Variants in NCOA5 observed in about 807,000 individuals in gnomAD.
NCOA5 encodes the protein NCoA-5.
In NCOA5, 12 loss-of-function variants were observed where a neutral mutation model predicts 59.0. That is an observed-to-expected ratio of 0.20 (90% CI 0.13 to 0.33). The LOEUF is 0.33. Ranked by LOEUF, NCOA5 falls within the 10% of genes least tolerant of loss-of-function variation. NCOA5 has a pLI of 1.00. For missense variants in NCOA5, 655 were observed against 766.6 expected, an observed-to-expected ratio of 0.85 and a Z score of 1.72; for synonymous variants, 270 against 275.5, an observed-to-expected ratio of 0.98 and a Z score of 0.20.
intron 2 of NCOA5, among the ~76,000 whole-genome samples, chr20:46,074,667 G>C (rs1053828164): frequency 6.6e-6 from 1 of 152,216 alleles, no homozygotes; most frequent in African/African-American, 2.4e-5. Flanking sequence ...TGGCTCTGGT[G>C]GCAAGTGATG....
chr20:46,076,471 T>C (rs1284225459), intron 2 of NCOA5, among the ~76,000 whole-genome samples: 1 of 152,192 alleles, frequency 6.6e-6, no homozygotes, highest in Non-Finnish European at 1.5e-5. Context: ...AGGACAATGA[T>C]TAAAATGTTA....
chr20:46,089,798 A>T lies in NCOA5; in HGVS notation c.-30+19T>A, dbSNP rs1336241299. 1 of 152,004 alleles carries T rather than the reference A, an allele frequency of 6.6e-6. No individual in the cohort carries two copies. Among genetic ancestry groups the T allele is most frequent in the Non-Finnish European group, 1.5e-5 (1 of 67,974 alleles). 9.4% of individuals were successfully genotyped at this position (152,004 alleles called of 1,614,324 possible). The stretch of plus-strand genomic sequence containing the variant: ...CAGCCCCACGCCTCGGCTGACGGCC[A>T]GCGCTTCCCGGCACTCACCGCTACC... On this transcript the variant is annotated intron_variant, in intron 1 of 7. Transcript: ENST00000290231.
In NCOA5 at chr20:46,070,412, G is replaced by C; in HGVS notation, c.163C>G (p.Arg55Gly). 6.2e-7 allele frequency: 1 copy of C among 1,613,548 alleles called. No individual in the cohort carries two copies. The highest frequency in any genetic ancestry group is 1.3e-5 in the African/African-American group (1 of 74,824). The part of the protein sequence containing the change: ...GRDARDSRDI[R>G]DPRDLRDHRH... ...TGGTCCCGCAAGTCTCGGGGGTCTCGAATGTCTCTGCTGTCCCGGGCATCC... is the reference window on the plus strand; with the variant it reads ...TGGTCCCGCAAGTCTCGGGGGTCTCCAATGTCTCTGCTGTCCCGGGCATCC... Residue 55 changes from arginine to glycine, a missense_variant, in exon 3 of 8, where the codon CGA (arginine) becomes GGA (glycine). Arg to Gly is a moderately radical substitution (Grantham distance 125, BLOSUM62 -2). Coordinates refer to ENST00000290231, the MANE Select transcript of NCOA5 (RefSeq NM_020967.3).
At position 46,068,619 on chromosome 20, in the gene NCOA5, G is replaced by T; in HGVS notation, c.385C>A (p.Arg129=). Residue 129 remains arginine (R), a synonymous_variant, in exon 4 of 8, where the codon CGA becomes AGA. Coordinates refer to ENST00000290231, the MANE Select transcript of NCOA5 (RefSeq NM_020967.3). ...CAATAGTCATCCATTCGTAGGTATC[G>T]GTCATAAGAGCCTTCTCTCCTGAAA... is the stretch of plus-strand genomic sequence containing the variant. ...PMYRREGSYD[R]YLRMDDYCRR... is the part of the protein sequence containing the mutation. 6.2e-7 allele frequency: 1 copy of T among 1,611,496 alleles called. No homozygotes were observed. Among genetic ancestry groups the T allele is most frequent in the Non-Finnish European group, 8.5e-7 (1 of 1,179,060 alleles).
At chr20:46,068,864 T>C (rs932475318) in intron 3 of NCOA5, among the ~76,000 whole-genome samples, 4 of 152,248 alleles carry the variant, frequency 2.6e-5, no homozygotes, top group African/African-American at 7.2e-5. Context: ...GCAGGAATTA[T>C]TGATACTAGT....
chr20:46,083,371 C>T lies in NCOA5; in HGVS notation c.-29-3918G>A, dbSNP rs146177026. The stretch of plus-strand genomic sequence containing the variant: ...AAAAGTAACTCTGAAATGACCAATC[C>T]GCTTTTTGCTCCTTGTCTCTGCTTT... On this transcript the variant is annotated intron_variant, in intron 1 of 7. Transcript: ENST00000290231. 6.2e-4 allele frequency among the ~76,000 whole-genome samples: 95 copies of T among 152,284 alleles called. No individual in the cohort carries two copies. The East Asian group carries it at 0.016, about 26-fold the overall frequency.
At chr20:46,076,567 CTTTTTT>C (rs111295797) in intron 2 of NCOA5, among the ~76,000 whole-genome samples, 1 of 137,476 alleles carries the variant, frequency 7.3e-6, no homozygotes, top group African/African-American at 2.7e-5. Flanking sequence ...TTAAATTTGT[CTTTTTT>C]TTTTTTTAAG....
intron 2 of NCOA5, among the ~76,000 whole-genome samples, chr20:46,078,386 A>G (rs1414250242): frequency 6.6e-6 from 1 of 152,240 alleles, no homozygotes; most frequent in African/African-American, 2.4e-5. Flanking sequence ...TTGGGTTCAC[A>G]AGGTGACCAG....
At chr20:46,088,259 G>A (rs2085064662) in intron 1 of NCOA5, among the ~76,000 whole-genome samples, 2 of 152,268 alleles carry the variant, frequency 1.3e-5, no homozygotes, top group African/African-American at 4.8e-5. Flanking sequence ...ATATGGATTC[G>A]CTGGGACATT....
intron 1 of NCOA5, among the ~76,000 whole-genome samples, chr20:46,088,121 T>TC (rs1396148610): frequency 6.6e-6 from 1 of 152,184 alleles, no homozygotes; most frequent in African/African-American, 2.4e-5. Flanking sequence ...CATAAACAGA[T>TC]CTTATGAACA....
chr20:46,063,232 A>G, intron 7 of NCOA5, 128 bp downstream of exon 7: 1 of 893,824 alleles, frequency 1.1e-6, no homozygotes, highest in Non-Finnish European at 1.7e-6. Flanking sequence ...CCACGGGAGA[A>G]CCCAAGGGAT....
rs1053313146 is a variant in NCOA5, at chr20:46,063,617, T to C, written c.893A>G (p.Lys298Arg). ...ACGTTCCTTCTCCCGGCACTCATTCTTGTAACGCTCATAATTTCTGGCCAC... is the reference window on the plus strand; with the variant it reads ...ACGTTCCTTCTCCCGGCACTCATTCCTGTAACGCTCATAATTTCTGGCCAC... ...VLVARNYERY[K>R]NECREKEREE... Residue 298 changes from lysine (K) to arginine (R), a missense_variant, in exon 7 of 8, where the codon AAG becomes AGG. Around this residue, in one of 3 missense-constraint regions of NCOA5, gnomAD observed 80 missense variants for 153.3 expected, o/e 0.52. Coordinates refer to ENST00000290231, the MANE Select transcript of NCOA5 (RefSeq NM_020967.3). 6.2e-7 allele frequency: 1 copy of C among 1,614,206 alleles called. No individual in the cohort carries two copies.
intron 7 of NCOA5, 56 bp from the exon 8 acceptor site, chr20:46,062,945 C>T: frequency 7.1e-7 from 1 of 1,414,900 alleles, no homozygotes; most frequent in Non-Finnish European, 9.5e-7. Flanking sequence ...GGGCAGGAGG[C>T]CTAGCAGCCA....
At chr20:46,080,270 T>G (rs1364098881) in intron 1 of NCOA5, among the ~76,000 whole-genome samples, 1 of 152,112 alleles carries the variant, frequency 6.6e-6, no homozygotes, top group Non-Finnish European at 1.5e-5. Flanking sequence ...TTTACAAAAA[T>G]TGAAGTGAAT....
At chr20:46,080,427 C>A (rs576098331) in intron 1 of NCOA5, among the ~76,000 whole-genome samples, 1 of 152,122 alleles carries the variant, frequency 6.6e-6, no homozygotes, top group Non-Finnish European at 1.5e-5. Context: ...AGAGTTTGTT[C>A]CCCTTTTTCC....
In NCOA5 at chr20:46,089,227, T is replaced by A. The variant is rs368876346; in HGVS notation, c.-30+590A>T. 3.3e-5 allele frequency among the ~76,000 whole-genome samples: 5 copies of A among 152,188 alleles called. No individual in the cohort carries two copies. In the East Asian group the frequency reaches 9.7e-4, roughly 30 times the overall value. ...GTGGTAAACCCGGGAACAGTTCCTC[T>A]CCCCGTTCTCTGGGCCCGAGGTCCG... On this transcript the variant is annotated intron_variant, in intron 1 of 7. Coordinates refer to ENST00000290231, the MANE Select transcript of NCOA5 (RefSeq NM_020967.3).
At chr20:46,085,760 A>G (rs2085039028) in intron 1 of NCOA5, among the ~76,000 whole-genome samples, 1 of 152,204 alleles carries the variant, frequency 6.6e-6, no homozygotes, top group African/African-American at 2.4e-5. Context: ...ACACTTTGCT[A>G]TGGACAAGGA....
At chr20:46,063,230 G>T in intron 7 of NCOA5, 130 bp downstream of exon 7, 1 of 876,680 alleles carries the variant, frequency 1.1e-6, no homozygotes, top group Non-Finnish European at 1.7e-6. Context: ...GCCCACGGGA[G>T]AACCCAAGGG....
chr20:46,064,608 T>C (rs539988357), intron 6 of NCOA5, among the ~76,000 whole-genome samples: 1 of 152,336 alleles, frequency 6.6e-6, no homozygotes, highest in Non-Finnish European at 1.5e-5. Flanking sequence ...GTGGAGTACA[T>C]GGCAGAGGTG....
Sources: allele counts gnomAD v4.1 joint callset (sites outside exome capture counted in the v4.1 genomes callset), GRCh38; gene constraint gnomAD v4.1.1; regional missense constraint gnomAD v4.1.1; transcripts MANE v1.5; gene names NCBI Gene and HGNC (gene_info 2026-07-23, HGNC 2026-07-21).